IL36B: variants seen among roughly 807,000 people sequenced by gnomAD.
IL36B encodes the protein interleukin-36 beta.
In IL36B, 23 loss-of-function variants were observed where a neutral mutation model predicts 19.3. The ratio of observed to expected loss-of-function variants is 1.19; its 90% CI spans 0.86 to 1.69. The LOEUF is 1.69. Among genes scored for constraint, IL36B ranks in the 40% most tolerant of loss-of-function variants. IL36B has a pLI of 0.00. For missense variants in IL36B, 217 were observed against 200.5 expected, an observed-to-expected ratio of 1.08 and a Z score of -0.50; for synonymous variants, 59 against 59.7, an observed-to-expected ratio of 0.99 and a Z score of 0.05.
intron 1 of IL36B, 99 bp from the exon 2 acceptor site, chr2:113,031,865 A>AGCTG: frequency 1.6e-6 from 1 of 636,810 alleles, no homozygotes. Flanking sequence ...CTTTAGAGAG[A>AGCTG]GCTGCCCTGA....
chr2:113,038,733 C>T (rs1221514617), intron 1 of IL36B, among the ~76,000 whole-genome samples: 1 of 152,108 alleles, frequency 6.6e-6, no homozygotes, highest in Non-Finnish European at 1.5e-5. Flanking sequence ...AGGTATAATC[C>T]CAGAGAGCTG....
chr2:113,047,069 C>A (rs1371359903), intron 1 of IL36B, among the ~76,000 whole-genome samples: 1 of 152,134 alleles, frequency 6.6e-6, no homozygotes, highest in Non-Finnish European at 1.5e-5. Context: ...AATTATAATC[C>A]AGTGCTACTT....
intron 1 of IL36B, among the ~76,000 whole-genome samples, chr2:113,038,806 A>G (rs1485721352): frequency 1.3e-5 from 2 of 152,202 alleles, no homozygotes; most frequent in Admixed American, 1.3e-4. Flanking sequence ...AAAGAGACAG[A>G]GATGAGGATA....
rs35098063 is a variant in IL36B at position 113,041,104 on chromosome 2, C to A, written c.-57-9338G>T. On this transcript the variant is annotated intron_variant, in intron 1 of 5. Transcript: ENST00000259213. ...TGCGGAGGTTGAGACTGCAGTCAGC[C>A]GAGATTGAGCCACTGCACTCCAGCC... is the stretch of plus-strand genomic sequence containing the variant. Among the ~76,000 whole-genome samples the A allele has an allele frequency of 4.4e-3, 640 of 146,060 alleles. 5 individuals carry two copies. The highest frequency in any genetic ancestry group is 0.015 in the African/African-American group (580 of 39,186).
intron 1 of IL36B, among the ~76,000 whole-genome samples, chr2:113,051,638 C>T (rs1685447949): frequency 6.6e-6 from 1 of 152,238 alleles, no homozygotes; most frequent in Non-Finnish European, 1.5e-5. Context: ...CATGACTTCA[C>T]TGGCATCCAG....
In IL36B at chr2:113,037,517, C is replaced by T. The variant is rs923257818; in HGVS notation, c.-57-5751G>A. On this transcript the variant is annotated intron_variant, in intron 1 of 5. Coordinates refer to ENST00000259213, the MANE Select transcript of IL36B (RefSeq NM_014438.5). ...ATACAAAATTAGCCAGGCGTGGTGG[C>T]ACATGCTTGTAGTCCCAGCTACTCG... Among the ~76,000 whole-genome samples the T allele has an allele frequency of 5.3e-5, 8 of 152,116 alleles. No homozygotes were observed. In the South Asian group the frequency reaches 1.2e-3, roughly 24 times the overall value.
chr2:113,027,700 A>T, intron 4 of IL36B: 1 of 1,411,742 alleles, frequency 7.1e-7, no homozygotes, highest in Non-Finnish European at 9.2e-7. Flanking sequence ...TTTAGGTTTC[A>T]TCTTGGGATA....
At chr2:113,031,533 G>A (rs779930248) in intron 2 of IL36B, among the ~76,000 whole-genome samples, 164 bp downstream of exon 2, 1 of 152,070 alleles carries the variant, frequency 6.6e-6, no homozygotes, top group Non-Finnish European at 1.5e-5. Context: ...AATAATAAAA[G>A]AGCTAGGTGC....
chr2:113,050,189 A>G (rs937154548), intron 1 of IL36B, among the ~76,000 whole-genome samples: 9 of 152,228 alleles, frequency 5.9e-5, no homozygotes, highest in African/African-American at 2.2e-4. Flanking sequence ...ACAATACCCA[A>G]AAGGTGATGG....
chr2:113,024,697 G>A (rs908158823), intron 5 of IL36B, among the ~76,000 whole-genome samples: 3 of 152,176 alleles, frequency 2.0e-5, no homozygotes, highest in Admixed American at 6.5e-5. Flanking sequence ...TGTAAGATGG[G>A]CTGGCTGTCT....
chr2:113,023,799 G>A (rs768821466), intron 5 of IL36B, among the ~76,000 whole-genome samples: 2 of 152,110 alleles, frequency 1.3e-5, no homozygotes, highest in African/African-American at 4.8e-5. Flanking sequence ...GTAGTTAACT[G>A]ATCAGTTCTT....
intron 1 of IL36B, among the ~76,000 whole-genome samples, chr2:113,040,181 TA>T (rs1443933491): frequency 1.8e-4 from 28 of 152,170 alleles, no homozygotes; most frequent in Admixed American, 1.8e-3. Context: ...AATCTTTTAA[TA>T]GACAAAGTAT....
At chr2:113,027,856 G>T (rs533151676) in intron 4 of IL36B, 2 of 1,606,590 alleles carry the variant, frequency 1.2e-6, no homozygotes, top group Admixed American at 1.7e-5. Flanking sequence ...GACTCTGACA[G>T]CTTGATTCTC....
At chr2:113,049,633 A>T (rs1386512336) in intron 1 of IL36B, among the ~76,000 whole-genome samples, 1 of 152,184 alleles carries the variant, frequency 6.6e-6, no homozygotes, top group Non-Finnish European at 1.5e-5. Flanking sequence ...TTAGAAAAAA[A>T]TAGAAAATAA....
intron 4 of IL36B, among the ~76,000 whole-genome samples, chr2:113,027,216 A>T (rs558830819): frequency 1.8e-4 from 28 of 152,288 alleles, no homozygotes; most frequent in Non-Finnish European, 5.9e-5. Context: ...GACTGAGGAG[A>T]AGAAAGAGGA....
chr2:113,026,525 A>G (rs1558830496), intron 4 of IL36B, among the ~76,000 whole-genome samples: 1 of 152,244 alleles, frequency 6.6e-6, no homozygotes, highest in Non-Finnish European at 1.5e-5. Context: ...AGTTCTCTTG[A>G]GAGAAGACAG....
chr2:113,023,550 C>T (rs1244194022), intron 5 of IL36B, among the ~76,000 whole-genome samples: 2 of 152,160 alleles, frequency 1.3e-5, no homozygotes, highest in African/African-American at 4.8e-5. Context: ...TTGATGGTTG[C>T]TATTAGATAT....
intron 4 of IL36B, among the ~76,000 whole-genome samples, chr2:113,026,883 T>C (rs1207609549): frequency 6.6e-6 from 1 of 152,238 alleles, no homozygotes; most frequent in African/African-American, 2.4e-5. Flanking sequence ...ACATTCACCA[T>C]GGTTAGCAAT....
Position 113,029,044 on chromosome 2 carries a change from T to A in IL36B, c.156A>T (p.Glu52Asp), listed in dbSNP as rs1290777992. 1 of 1,613,776 alleles carries A rather than the reference T, an allele frequency of 6.2e-7. No homozygotes were observed. Among genetic ancestry groups the A allele is most frequent in the African/African-American group, 1.3e-5 (1 of 74,946 alleles). Residue 52 changes from glutamate (E) to aspartate (D), a missense_variant, in exon 4 of 6, where the codon GAA becomes GAT. Coordinates refer to ENST00000259213, the MANE Select transcript of IL36B (RefSeq NM_014438.5). ...TATTACCCTTTTCCTTGTCACTGAA[T>A]TCTGTGTCTCTACAGGCTATTAAAT...
Sources: gnomAD v4.1 joint callset for allele counts (sites outside exome capture counted in the v4.1 genomes callset) on GRCh38, gnomAD v4.1.1 for gene constraint, MANE v1.5 for transcripts, NCBI Gene and HGNC (gene_info 2026-07-23, HGNC 2026-07-21) for gene names.